Variants in TICAM2 observed in about 807,000 individuals in gnomAD.
The protein encoded by TICAM2 is TIR domain-containing adapter molecule 2.
In TICAM2, 8 loss-of-function variants were observed where a neutral mutation model predicts 7.3. The observed-to-expected ratio is 1.10, with a 90% CI of 0.65 to 1.99. The LOEUF (loss-of-function observed/expected upper bound fraction) is 1.99. Among genes scored for constraint, TICAM2 ranks in the 30% most tolerant of loss-of-function variants. The pLI, the probability that TICAM2 is intolerant of heterozygous loss-of-function variation, is 0.00. For synonymous variants in TICAM2, 113 were observed against 99.6 expected, an observed-to-expected ratio of 1.13 and a Z score of -0.80; for missense variants, 304 against 278.8, an observed-to-expected ratio of 1.09 and a Z score of -0.65.
chr5:115,598,717 A>T (rs1358832150), intron 1 of TICAM2, among the ~76,000 whole-genome samples: 3 of 152,152 alleles, frequency 2.0e-5, no homozygotes, highest in Non-Finnish European at 4.4e-5. Context: ...CTTATATTGG[A>T]AATATTTATT....
intron 1 of TICAM2, among the ~76,000 whole-genome samples, chr5:115,588,469 G>A (rs1374059745): frequency 1.3e-5 from 2 of 152,192 alleles, no homozygotes; most frequent in Non-Finnish European, 2.9e-5. Context: ...CATTATATTG[G>A]GAGATAGCAT....
chr5:115,594,013 T>C (rs949350659), intron 1 of TICAM2, among the ~76,000 whole-genome samples: 8 of 152,204 alleles, frequency 5.3e-5, no homozygotes, highest in African/African-American at 4.8e-5. Context: ...CTATGCGCTT[T>C]TGTGTTCTAT....
At chr5:115,587,632 T>C (rs371904956) in intron 1 of TICAM2, among the ~76,000 whole-genome samples, 2 of 152,110 alleles carry the variant, frequency 1.3e-5, no homozygotes, top group Admixed American at 6.5e-5. Context: ...TTATGCTTTT[T>C]GTAACTTGGT....
chr5:115,593,713 G>C (rs938065539), intron 1 of TICAM2, among the ~76,000 whole-genome samples: 9 of 152,146 alleles, frequency 5.9e-5, no homozygotes, highest in Non-Finnish European at 1.0e-4. Context: ...AGTAAGAATA[G>C]TCAATACACT....
chr5:115,595,478 C>T (rs1755476168), intron 1 of TICAM2, among the ~76,000 whole-genome samples: 1 of 152,112 alleles, frequency 6.6e-6, no homozygotes, highest in Non-Finnish European at 1.5e-5. Context: ...TATATTATTC[C>T]TCCTTAGAGG....
intron 1 of TICAM2, among the ~76,000 whole-genome samples, chr5:115,592,424 T>C (rs865947222): frequency 5.3e-5 from 8 of 152,242 alleles, no homozygotes; most frequent in Non-Finnish European, 1.0e-4. Flanking sequence ...ATGTGTGCCA[T>C]GATGGTTTGC....
chr5:115,582,068 AG>A (rs1490445980), intron 1 of TICAM2: 2 of 152,226 alleles, frequency 1.3e-5, no homozygotes, highest in African/African-American at 4.8e-5. Flanking sequence ...CTAGAAACAA[AG>A]ACTTGAGACT....
rs2127189849 is a variant in TICAM2, at chr5:115,580,532, A to G, written c.*17T>C. 6.4e-7 allele frequency: 1 copy of G among 1,558,944 alleles called. No homozygotes were observed. Among genetic ancestry groups the G allele is most frequent in the Non-Finnish European group, 8.6e-7 (1 of 1,160,136 alleles). On this transcript the variant is annotated 3_prime_UTR_variant, in exon 2 of 2. Coordinates refer to ENST00000427199, the MANE Select transcript of TICAM2 (RefSeq NM_021649.7). ...GGTTTACAAAACAAGAGCCAGCCAC[A>G]TGTTATATGTTTCATCTCAGGCAAT...
At chr5:115,591,976 T>A (rs1755321585) in intron 1 of TICAM2, among the ~76,000 whole-genome samples, 1 of 152,106 alleles carries the variant, frequency 6.6e-6, no homozygotes, top group African/African-American at 2.4e-5. Context: ...AAACCACATC[T>A]AGCTTCAACA....
chr5:115,596,788 G>A (rs938948919), intron 1 of TICAM2, among the ~76,000 whole-genome samples: 2 of 152,068 alleles, frequency 1.3e-5, no homozygotes, highest in African/African-American at 4.8e-5. Context: ...GCGTGGTGGC[G>A]GGTGCCTGTA....
In TICAM2 at chr5:115,580,853, G is replaced by C. The variant is rs1287876890; in HGVS notation, c.404C>G (p.Thr135Arg). 4 of 1,611,674 alleles carry C rather than the reference G, an allele frequency of 2.5e-6. No individual in the cohort carries two copies. Among genetic ancestry groups the C allele is most frequent in the Non-Finnish European group, 3.4e-6 (4 of 1,178,472 alleles). Residue 135 changes from threonine to arginine, a missense_variant, in exon 2 of 2, where the codon ACA becomes AGA. Physicochemically the swap from Thr to Arg is moderately conservative, Grantham distance 71. Transcript: ENST00000427199. Reference protein sequence around the residue: ...LDDAVNGSAWTILLLTENFLR... With the variant: ...LDDAVNGSAWRILLLTENFLR... ...AAAGTTTTCAGTCAGTAATAAGATT[G>C]TCCATGCAGACCCATTTACAGCATC... is the stretch of plus-strand genomic sequence containing the variant.
intron 1 of TICAM2, among the ~76,000 whole-genome samples, chr5:115,595,949 T>C (rs567988883): frequency 3.3e-5 from 5 of 152,332 alleles, no homozygotes; most frequent in East Asian, 3.9e-4. Context: ...TCTTATAATA[T>C]GTATTGCCCA....
intron 1 of TICAM2, among the ~76,000 whole-genome samples, chr5:115,601,015 G>A (rs781706606): frequency 2.0e-5 from 3 of 152,104 alleles, no homozygotes; most frequent in East Asian, 1.9e-4. Flanking sequence ...AGTTCCATAC[G>A]GTAAGGCGTA....
chr5:115,588,891 T>G (rs1182815931), intron 1 of TICAM2, among the ~76,000 whole-genome samples: 1 of 152,166 alleles, frequency 6.6e-6, no homozygotes, highest in African/African-American at 2.4e-5. Flanking sequence ...AGTAGACAAG[T>G]CTGTTATATG....
At chr5:115,582,630 G>A (rs1754970058) in intron 1 of TICAM2, among the ~76,000 whole-genome samples, 1 of 151,990 alleles carries the variant, frequency 6.6e-6, no homozygotes, top group Non-Finnish European at 1.5e-5. Flanking sequence ...AGTTTCAAGG[G>A]GAATTCTTTT....
chr5:115,596,405 T>C (rs1479676134), intron 1 of TICAM2, among the ~76,000 whole-genome samples: 1 of 152,216 alleles, frequency 6.6e-6, no homozygotes, highest in Non-Finnish European at 1.5e-5. Flanking sequence ...ATACCCTGCA[T>C]AGCCTGGCTC....
At chr5:115,591,573 A>T (rs1210980780) in intron 1 of TICAM2, among the ~76,000 whole-genome samples, 3 of 152,160 alleles carry the variant, frequency 2.0e-5, no homozygotes, top group Admixed American at 2.0e-4. Context: ...TGCAAACTTT[A>T]AAAAAAGGCA....
intron 1 of TICAM2, among the ~76,000 whole-genome samples, chr5:115,597,717 G>T (rs535215653): frequency 6.6e-6 from 1 of 152,298 alleles, no homozygotes; most frequent in East Asian, 1.9e-4. Flanking sequence ...AGGGGTTCCA[G>T]GACCCCTGCA....
At chr5:115,597,944 C>A (rs531842967) in intron 1 of TICAM2, among the ~76,000 whole-genome samples, 2 of 152,134 alleles carry the variant, frequency 1.3e-5, no homozygotes, top group African/African-American at 4.8e-5. Flanking sequence ...CATTGATCCT[C>A]TGTGAATGGT....
Sources: allele counts gnomAD v4.1 joint callset (sites outside exome capture counted in the v4.1 genomes callset), GRCh38; gene constraint gnomAD v4.1.1; transcripts MANE v1.5; gene names NCBI Gene and HGNC (gene_info 2026-07-23, HGNC 2026-07-21).